The following ACOT12 variants were observed in gnomAD, a reference collection of about 807,000 sequenced individuals.
ACOT12 encodes acetyl-coenzyme A thioesterase.
ACOT12 carries 51 observed loss-of-function variants against 67.7 expected under a neutral mutation model. The ratio of observed to expected loss-of-function variants is 0.75; its 90% confidence interval spans 0.60 to 0.95. ACOT12 has a LOEUF of 0.95. ACOT12 is among the 40% of genes least tolerant of loss of function. ACOT12 has a pLI of 0.00. For synonymous variants in ACOT12, 251 were observed against 244.6 expected (o/e 1.03, Z -0.24); for missense variants, 734 against 708.1 (o/e 1.04, Z -0.41).
chr5:81,317,952 C>T, the ACOT12 span, among the ~76,000 whole-genome samples: 28 of 150,912 alleles, frequency 1.9e-4, no homozygotes, highest in African/African-American at 5.4e-4. Context: ...GCACAATCTC[C>T]GCTCACTGCA....
chr5:81,371,245 T>G (rs79953272), intron 3 of ACOT12, among the ~76,000 whole-genome samples: 9 of 151,930 alleles, frequency 5.9e-5, no homozygotes, highest in Non-Finnish European at 7.4e-5. Context: ...AATGTGTTGG[T>G]TTTTTTTGTT....
In ACOT12 at chr5:81,330,801, T is replaced by C. The variant is rs1461542727; in HGVS notation, c.1518+13A>G. 4 of 1,609,606 alleles carry C rather than the reference T, an allele frequency of 2.5e-6. No homozygotes were observed. In the South Asian group the frequency reaches 4.4e-5, roughly 18 times the overall value. On this transcript the variant is annotated intron_variant, in intron 14 of 14. Coordinates refer to ENST00000307624, the MANE Select transcript of ACOT12 (RefSeq NM_130767.3). ...CAGAGCCAATTAATCTGCAGATGTT[T>C]CATCAAACTTACGATGCATGAATTG...
intron 5 of ACOT12, among the ~76,000 whole-genome samples, chr5:81,352,863 C>A (rs1298208587): frequency 5.3e-5 from 8 of 152,144 alleles, no homozygotes; most frequent in Non-Finnish European, 1.5e-5. Context: ...TATACACCTA[C>A]TGTGTACCCA....
At chr5:81,348,369 T>C (rs1759447833) in intron 5 of ACOT12, among the ~76,000 whole-genome samples, 1 of 152,166 alleles carries the variant, frequency 6.6e-6, no homozygotes, top group African/African-American at 2.4e-5. Flanking sequence ...GCTTTAAATA[T>C]GGGCCATTCA....
At chr5:81,343,103 C>A (rs994923372) in intron 10 of ACOT12, among the ~76,000 whole-genome samples, 1 of 152,002 alleles carries the variant, frequency 6.6e-6, no homozygotes, top group African/African-American at 2.4e-5. Context: ...ATCGCTTGAA[C>A]CCGCCACCGG....
At chr5:81,374,704 T>C (rs376695738) in intron 2 of ACOT12, among the ~76,000 whole-genome samples, 58 of 152,096 alleles carry the variant, frequency 3.8e-4, no homozygotes, top group Non-Finnish European at 2.8e-4. Flanking sequence ...TAAACAAGTA[T>C]CAATAGCTGA....
chr5:81,330,238 G>C lies in ACOT12; in HGVS notation c.*156C>G. 2 of 744,490 alleles carry C rather than the reference G, an allele frequency of 2.7e-6. No homozygotes were observed. Among genetic ancestry groups the C allele is most frequent in the Non-Finnish European group, 4.1e-6 (2 of 484,570 alleles). The allele number at this position is 744,490 out of a possible 1,614,324, so 46.1% of individuals were successfully genotyped here. On this transcript the variant is annotated 3_prime_UTR_variant, in exon 15 of 15. Coordinates refer to ENST00000307624, the MANE Select transcript of ACOT12 (RefSeq NM_130767.3). The stretch of plus-strand genomic sequence containing the variant: ...ATGCTAATCCAAATCACTGGTATTT[G>C]ACTTAAGATGCATTTTGTTTTTTAA...
chr5:81,359,411 G>A (rs1759830639), intron 5 of ACOT12, among the ~76,000 whole-genome samples: 1 of 152,202 alleles, frequency 6.6e-6, no homozygotes, highest in African/African-American at 2.4e-5. Context: ...CAGGGTGATT[G>A]TGGAAAGCAC....
At chr5:81,358,007 C>CAAAAAAA (rs777333534) in intron 5 of ACOT12, among the ~76,000 whole-genome samples, 7 of 71,004 alleles carry the variant, frequency 9.9e-5, no homozygotes, top group South Asian at 6.3e-4. Context: ...CCCCATCTCA[C>CAAAAAAA]AAAAAAAAAA....
chr5:81,355,491 T>C (rs1315960112), intron 5 of ACOT12, among the ~76,000 whole-genome samples: 2 of 152,264 alleles, frequency 1.3e-5, no homozygotes, highest in African/African-American at 4.8e-5. Flanking sequence ...TTCTCACCTA[T>C]TTGTGGAATC....
At position 81,360,033 on chromosome 5, in the gene ACOT12, A is replaced by G. The variant is rs751990743; in HGVS notation, c.366T>C (p.His122=). 1 of 1,601,318 alleles carries G rather than the reference A, an allele frequency of 6.2e-7. No individual in the cohort carries two copies. The highest frequency in any genetic ancestry group is 1.1e-5 in the South Asian group (1 of 87,272). Residue 122 remains histidine, a synonymous_variant, in exon 5 of 15, where the codon CAT becomes CAC. Transcript: ENST00000307624. ...CAGTTAGAAGTGTGACTGGTTTTAA[A>G]TGAATCTAGAGAAAGAAAAGCATTT... ...VAKPVGKEKI[H]LKPVTLLTEQ...
At chr5:81,339,583 C>T (rs776443019) in intron 11 of ACOT12, among the ~76,000 whole-genome samples, 9 of 152,206 alleles carry the variant, frequency 5.9e-5, no homozygotes, top group Admixed American at 2.6e-4. Flanking sequence ...AGAATGGCCT[C>T]CTCTCTAAAG....
At chr5:81,369,325 C>T (rs577692838) in intron 3 of ACOT12, among the ~76,000 whole-genome samples, 2 of 152,300 alleles carry the variant, frequency 1.3e-5, no homozygotes, top group South Asian at 4.1e-4. Context: ...AGAGTTCCTG[C>T]TTGCTTTGGA....
intron 5 of ACOT12, among the ~76,000 whole-genome samples, chr5:81,349,176 G>A (rs80173873): frequency 1.3e-5 from 2 of 152,298 alleles, no homozygotes; most frequent in East Asian, 1.9e-4. Flanking sequence ...TGATCCAGAA[G>A]GGTAGTCACA....
chr5:81,350,377 A>G (rs1422333502), intron 5 of ACOT12, among the ~76,000 whole-genome samples: 1 of 151,994 alleles, frequency 6.6e-6, no homozygotes, highest in Non-Finnish European at 1.5e-5. Flanking sequence ...TATACTCTTG[A>G]TACTCTTTTA....
intron 5 of ACOT12, among the ~76,000 whole-genome samples, chr5:81,352,248 T>A (rs1041347299): frequency 1.3e-5 from 2 of 152,326 alleles, no homozygotes; most frequent in Admixed American, 1.3e-4. Context: ...AGCAATCCCA[T>A]TGCTGGGTAT....
intron 6 of ACOT12, among the ~76,000 whole-genome samples, chr5:81,347,293 T>C (rs1759410676): frequency 6.6e-6 from 1 of 152,166 alleles, no homozygotes; most frequent in Non-Finnish European, 1.5e-5. Context: ...ATTTTTTTTG[T>C]AGAGTCAGGG....
intron 3 of ACOT12, among the ~76,000 whole-genome samples, chr5:81,364,659 C>T (rs1760021348): frequency 6.6e-6 from 1 of 152,166 alleles, no homozygotes; most frequent in Non-Finnish European, 1.5e-5. Context: ...GATCTCATGA[C>T]CTCATGATCC....
chr5:81,346,044 C>T, intron 6 of ACOT12, 40 bp from the exon 7 acceptor site: 1 of 1,602,076 alleles, frequency 6.2e-7, no homozygotes, highest in South Asian at 1.1e-5. Flanking sequence ...AAAGCGATCA[C>T]ACATTCATTC....
Sources: allele counts gnomAD v4.1 joint callset (sites outside exome capture counted in the v4.1 genomes callset), GRCh38; gene constraint gnomAD v4.1.1; transcripts MANE v1.5; gene names NCBI Gene and HGNC (gene_info 2026-07-23, HGNC 2026-07-21).